The following ADGRL3 variants were observed in gnomAD, a reference collection of about 807,000 sequenced individuals.
The protein encoded by ADGRL3 is calcium-independent alpha-latrotoxin receptor 3.
Under a neutral mutation model 153.5 loss-of-function variants are expected in ADGRL3, and 62 were observed. The observed-to-expected ratio is 0.40, with a 90% CI of 0.33 to 0.50. The LOEUF (loss-of-function observed/expected upper bound fraction) is 0.50, where lower values mean the gene tolerates loss of function less well. Among genes scored for constraint, ADGRL3 ranks in the 20% least tolerant of loss-of-function variants. The probability of loss-of-function intolerance (pLI) is 0.47; values close to 1 mark genes in which losing one functional copy is unlikely to be tolerated. For missense variants in ADGRL3, 1,641 were observed against 1,859.4 expected, an observed-to-expected ratio of 0.88 and a Z score of 2.16; for synonymous variants, 710 against 672.5, an observed-to-expected ratio of 1.06 and a Z score of -0.86.
At chr4:61,442,262 T>A (rs2097535579) in intron 2 of ADGRL3, among the ~76,000 whole-genome samples, 1 of 152,232 alleles carries the variant, frequency 6.6e-6, no homozygotes, top group Non-Finnish European at 1.5e-5. Context: ...ATGAGAAATC[T>A]GTGACAAGTA....
Position 61,998,194 on chromosome 4 carries a change from G to T in ADGRL3, c.3324G>T (p.Gly1108=), listed in dbSNP as rs771764469. Residue 1108 remains glycine (G), a synonymous_variant, in exon 21 of 27, where the codon GGG becomes GGT. Transcript: ENST00000683033. ...LIIMLNVIFL[G]IALYKMFHHT... is the part of the protein sequence containing the mutation. ...TCCAGCTTAATGTAATCTTCCTTGG[G>T]ATTGCTTTATATAAAATGTTTCATC... is the stretch of plus-strand genomic sequence containing the variant. 2 of 1,577,724 alleles carry T rather than the reference G, an allele frequency of 1.3e-6. 1 individual carries two copies. The highest frequency in any genetic ancestry group is 2.3e-5 in the South Asian group (2 of 86,130).
chr4:61,368,972 T>C (rs1348803821), intron 1 of ADGRL3, among the ~76,000 whole-genome samples: 1 of 152,200 alleles, frequency 6.6e-6, no homozygotes, highest in African/African-American at 2.4e-5. Flanking sequence ...TTCCTAGGTA[T>C]TTTATTCTCT....
chr4:61,644,907 T>C (rs1453040071), intron 5 of ADGRL3, among the ~76,000 whole-genome samples: 1 of 151,890 alleles, frequency 6.6e-6, no homozygotes, highest in African/African-American at 2.4e-5. Flanking sequence ...CCATTATTAA[T>C]GTGTGGGAGT....
intron 1 of ADGRL3, among the ~76,000 whole-genome samples, chr4:61,216,530 T>C (rs993502418): frequency 6.6e-6 from 1 of 152,184 alleles, no homozygotes. Context: ...CCTTTTTTTT[T>C]CTTATGGCTG....
At chr4:61,875,449 A>C (rs1029236721) in intron 9 of ADGRL3, among the ~76,000 whole-genome samples, 34 of 152,190 alleles carry the variant, frequency 2.2e-4, no homozygotes, top group Admixed American at 2.1e-3. Flanking sequence ...TGTTATAATA[A>C]ATTTTGTTTA....
intron 1 of ADGRL3, among the ~76,000 whole-genome samples, chr4:61,241,751 C>T (rs933460118): frequency 6.6e-6 from 1 of 151,924 alleles, no homozygotes; most frequent in Non-Finnish European, 1.5e-5. Context: ...CATTCAGACA[C>T]CACTGACTCT....
At chr4:61,614,682 A>G (rs963427084) in intron 5 of ADGRL3, among the ~76,000 whole-genome samples, 3 of 152,218 alleles carry the variant, frequency 2.0e-5, no homozygotes, top group Non-Finnish European at 4.4e-5. Flanking sequence ...TCTTCTTAAA[A>G]GTCACTTCAT....
At chr4:61,847,604 T>TAA (rs2098132630) in intron 9 of ADGRL3, among the ~76,000 whole-genome samples, 1 of 67,282 alleles carries the variant, frequency 1.5e-5, no homozygotes, top group Non-Finnish European at 2.6e-5. Context: ...ATATAATATA[T>TAA]AATATATTAT....
At chr4:61,504,675 C>T (rs976647774) in intron 3 of ADGRL3, among the ~76,000 whole-genome samples, 3 of 152,154 alleles carry the variant, frequency 2.0e-5, no homozygotes, top group African/African-American at 7.2e-5. Flanking sequence ...ATCTTCCCAT[C>T]CTCTGGTAAC....
chr4:61,759,674 C>A (rs1408548487), intron 8 of ADGRL3, among the ~76,000 whole-genome samples: 5 of 152,170 alleles, frequency 3.3e-5, no homozygotes, highest in African/African-American at 1.2e-4. Context: ...CTCAACTCAT[C>A]AAAGCCATTC....
chr4:61,840,569 G>A (rs1397350403), intron 9 of ADGRL3, among the ~76,000 whole-genome samples: 1 of 152,098 alleles, frequency 6.6e-6, no homozygotes, highest in East Asian at 1.9e-4. Context: ...CTTCTCTACT[G>A]TTGCTTTCCT....
At chr4:61,579,362 G>T (rs1156588763) in intron 4 of ADGRL3, among the ~76,000 whole-genome samples, 1 of 151,976 alleles carries the variant, frequency 6.6e-6, no homozygotes, top group African/African-American at 2.4e-5. Flanking sequence ...TGGATTTTTT[G>T]ACATTTAGAA....
chr4:61,998,568 C>CT (rs569156598), intron 21 of ADGRL3, among the ~76,000 whole-genome samples: 2,272 of 139,658 alleles, frequency 0.016, 41 homozygotes, highest in African/African-American at 0.049. Context: ...GCAGGTTATT[C>CT]TTTTTTTTTT....
intron 8 of ADGRL3, among the ~76,000 whole-genome samples, chr4:61,780,279 G>A (rs572967323): frequency 6.6e-6 from 1 of 152,256 alleles, no homozygotes; most frequent in Non-Finnish European, 1.5e-5. Flanking sequence ...GCTTATCTTG[G>A]CCAGACAGAA....
chr4:61,973,839 G>T (rs546478439), intron 17 of ADGRL3, among the ~76,000 whole-genome samples: 4 of 152,104 alleles, frequency 2.6e-5, no homozygotes, highest in Admixed American at 1.3e-4. Context: ...GTATACAAAT[G>T]AATTAGTATT....
intron 8 of ADGRL3, among the ~76,000 whole-genome samples, chr4:61,742,973 C>T (rs1358518227): frequency 6.6e-6 from 1 of 151,178 alleles, no homozygotes; most frequent in Non-Finnish European, 1.5e-5. Flanking sequence ...TATAAAATGC[C>T]TTGTGACTGC....
chr4:61,545,156 G>T (rs1057237985), intron 4 of ADGRL3, among the ~76,000 whole-genome samples: 2 of 152,098 alleles, frequency 1.3e-5, no homozygotes, highest in African/African-American at 4.8e-5. Context: ...TAAAATAGGA[G>T]TTTAAACGGA....
At chr4:61,751,666 T>C (rs998746500) in intron 8 of ADGRL3, among the ~76,000 whole-genome samples, 3 of 152,202 alleles carry the variant, frequency 2.0e-5, no homozygotes, top group African/African-American at 4.8e-5. Context: ...TTAGAAACTT[T>C]TGCAGAGATT....
At chr4:61,420,100 C>T (rs1391215459) in intron 2 of ADGRL3, 2 of 152,120 alleles carry the variant, frequency 1.3e-5, no homozygotes, top group African/African-American at 4.8e-5. Context: ...CCATGCCCAG[C>T]CCGTATTTAG....
Sources: allele counts gnomAD v4.1 joint callset (sites outside exome capture counted in the v4.1 genomes callset), GRCh38; gene constraint gnomAD v4.1.1; transcripts MANE v1.5; gene names NCBI Gene and HGNC (gene_info 2026-07-23, HGNC 2026-07-21).